The following ZNF638 variants were observed in gnomAD, a reference collection of about 807,000 sequenced individuals.
ZNF638 encodes the protein zinc finger protein 638, also known as CTCL tumor antigen se33-1.
In ZNF638, 46 loss-of-function variants were observed where a neutral mutation model predicts 195.6. The observed-to-expected ratio is 0.24, with a 90% CI of 0.19 to 0.30. The LOEUF is 0.30. ZNF638 is among the 10% of genes least tolerant of loss of function. The pLI, the probability that ZNF638 is intolerant of heterozygous loss-of-function variation, is 1.00. For synonymous variants in ZNF638, 845 were observed against 772.0 expected (o/e 1.09, Z -1.57); for missense variants, 2,440 against 2,325.3 (o/e 1.05, Z -1.01).
intron 9 of ZNF638, 100 bp downstream of exon 9, chr2:71,380,380 A>C: frequency 1.8e-6 from 2 of 1,118,544 alleles, no homozygotes; most frequent in Non-Finnish European, 2.5e-6. Context: ...TTATCACTAT[A>C]ACTATAGTTT....
intron 5 of ZNF638, among the ~76,000 whole-genome samples, chr2:71,364,544 A>G (rs973757486): frequency 1.3e-5 from 2 of 151,954 alleles, no homozygotes; most frequent in African/African-American, 4.8e-5. Flanking sequence ...TTTTGAGATT[A>G]TTTTTTTTAA....
intron 7 of ZNF638, among the ~76,000 whole-genome samples, chr2:71,369,513 A>G (rs1573062519): frequency 6.6e-6 from 1 of 152,160 alleles, no homozygotes. Flanking sequence ...CAGGGAACAT[A>G]GTGATAGTGT....
At chr2:71,345,838 A>G (rs1285870999) in intron 1 of ZNF638, among the ~76,000 whole-genome samples, 1 of 152,162 alleles carries the variant, frequency 6.6e-6, no homozygotes, top group Non-Finnish European at 1.5e-5. Context: ...GCTAATAGAC[A>G]TTGTTCCCCT....
intron 26 of ZNF638, among the ~76,000 whole-genome samples, chr2:71,432,656 G>A (rs191645313): frequency 2.6e-5 from 4 of 152,304 alleles, no homozygotes; most frequent in Admixed American, 6.5e-5. Context: ...TAGAGGTTCT[G>A]GAATAGTATA....
At chr2:71,352,434 C>T (rs572368774) in intron 2 of ZNF638, among the ~76,000 whole-genome samples, 10 of 150,290 alleles carry the variant, frequency 6.7e-5, no homozygotes, top group African/African-American at 9.8e-5. Flanking sequence ...GCCGAGATCG[C>T]GCCGCTGCAC....
chr2:71,393,716 A>G (rs927979865), intron 10 of ZNF638: 31 of 673,790 alleles, frequency 4.6e-5, no homozygotes, highest in South Asian at 1.3e-4. Context: ...GCTACACTCT[A>G]TTGGGCTCAT....
chr2:71,417,354 A>C (rs879269781), intron 20 of ZNF638, among the ~76,000 whole-genome samples: 1,002 of 148,502 alleles, frequency 6.7e-3, no homozygotes, highest in Non-Finnish European at 0.011. Context: ...GTGCGCGCAC[A>C]CACTGACCTG....
chr2:71,388,476 A>G (rs760544464), intron 10 of ZNF638: 38 of 693,846 alleles, frequency 5.5e-5, no homozygotes, highest in Non-Finnish European at 9.0e-5. Context: ...GGCCTTTGTC[A>G]TTAAATCTGT....
At chr2:71,383,896 C>T (rs1478098372) in intron 10 of ZNF638, among the ~76,000 whole-genome samples, 2 of 151,158 alleles carry the variant, frequency 1.3e-5, no homozygotes, top group African/African-American at 4.9e-5. Flanking sequence ...GCCACCATGC[C>T]TGGCCCTCTT....
At chr2:71,405,986 C>T in intron 18 of ZNF638, 142 bp from the exon 19 acceptor site, 1 of 903,874 alleles carries the variant, frequency 1.1e-6, no homozygotes, top group South Asian at 1.8e-5. Context: ...TAAGACCTCA[C>T]TGTCTTCCCC....
chr2:71,400,516 A>G lies in ZNF638; in HGVS notation c.2695A>G (p.Lys899Glu). 1.9e-6 allele frequency: 3 copies of G among 1,602,428 alleles called. No individual in the cohort carries two copies. The East Asian group carries it at 6.7e-5, about 36-fold the overall frequency. ...GGCCACAGAGAATGAACCACTTAAC[A>G]AGGTCAGTTTTCATGTTTTATTTAT... Reference protein sequence around the residue: ...LEATENEPLNKETEEMCVMLV... With the variant: ...LEATENEPLNEETEEMCVMLV... The change falls in exon 15 of 28, where the codon AAG (lysine) becomes GAG (glutamate). Residue 899 changes from lysine to glutamate, a missense_variant and splice_region_variant. Physicochemically the swap from Lys to Glu is moderately conservative, Grantham distance 56 (BLOSUM62 1). Transcript: ENST00000264447.
chr2:71,393,912 A>G (rs907458153), intron 10 of ZNF638, among the ~76,000 whole-genome samples: 1 of 152,188 alleles, frequency 6.6e-6, no homozygotes, highest in African/African-American at 2.4e-5. Context: ...CACTGTGTGT[A>G]AGGTTACTAT....
intron 26 of ZNF638, among the ~76,000 whole-genome samples, chr2:71,432,956 G>T (rs1187864925): frequency 6.6e-6 from 1 of 152,112 alleles, no homozygotes; most frequent in East Asian, 1.9e-4. Flanking sequence ...GCGCGGTGGC[G>T]CACACCTGTA....
chr2:71,375,558 T>G (rs1392987753), intron 8 of ZNF638: 1 of 152,172 alleles, frequency 6.6e-6, no homozygotes, highest in Non-Finnish European at 1.5e-5. Flanking sequence ...GCATTTGATT[T>G]ACCAGAACTA....
At chr2:71,408,340 T>C in intron 20 of ZNF638, 93 bp downstream of exon 20, 3 of 1,390,598 alleles carry the variant, frequency 2.2e-6, no homozygotes, top group Non-Finnish European at 2.9e-6. Flanking sequence ...TTTCTGTGTT[T>C]AGAGATGATT....
chr2:71,336,769 C>T (rs899910409), intron 1 of ZNF638, among the ~76,000 whole-genome samples: 3 of 152,128 alleles, frequency 2.0e-5, no homozygotes, highest in African/African-American at 7.2e-5. Flanking sequence ...AACCAGCTTG[C>T]TCAGGGTAAC....
chr2:71,359,416 G>C (rs1191487247), intron 3 of ZNF638, among the ~76,000 whole-genome samples: 1 of 152,198 alleles, frequency 6.6e-6, no homozygotes, highest in Non-Finnish European at 1.5e-5. Flanking sequence ...GGAAGGAGGG[G>C]TGGAGAGAGG....
Position 71,349,747 on chromosome 2 carries a change from G to T in ZNF638, c.793G>T (p.Val265Phe). Reference sequence around the variant, plus strand: ...TGTGATATGTAATTCTATGTTTCCTGTTGAAGACGTATTTCGCCAAATGGA... The same window carrying T: ...TGTGATATGTAATTCTATGTTTCCTTTTGAAGACGTATTTCGCCAAATGGA... ...PNVICNSMFP[V>F]EDVFRQMDFP... Residue 265 changes from valine to phenylalanine, a missense_variant, in exon 2 of 28, where the codon GTT becomes TTT. This residue lies in a region of ZNF638 where 305 missense variants were observed against 283.6 expected (regional missense o/e 1.08). Coordinates refer to ENST00000264447, the MANE Select transcript of ZNF638 (RefSeq NM_014497.5). 6.2e-7 allele frequency: 1 copy of T among 1,614,176 alleles called. No homozygotes were observed. Among genetic ancestry groups the T allele is most frequent in the Non-Finnish European group, 8.5e-7 (1 of 1,180,032 alleles).
Position 71,424,693 on chromosome 2 carries a change from G to T in ZNF638, c.4568G>T (p.Gly1523Val), listed in dbSNP as rs753855788. 15 of 1,613,286 alleles carry T rather than the reference G, an allele frequency of 9.3e-6. No individual in the cohort carries two copies. The highest frequency in any genetic ancestry group is 1.3e-5 in the Non-Finnish European group (15 of 1,179,646). Residue 1523 changes from glycine to valine, a missense_variant, in exon 23 of 28, where the codon GGT (glycine) becomes GTT (valine). Gly to Val is a moderately radical substitution (Grantham distance 109). Coordinates refer to ENST00000264447, the MANE Select transcript of ZNF638 (RefSeq NM_014497.5). ...ACTAAGAATCCTAAAAGCACTACTG[G>T]TAGAAGTTCCAAATCTAAAGAGGTA... The part of the protein sequence containing the change: ...QNTKNPKSTT[G>V]RSSKSKEEPL...
Sources: gnomAD v4.1 joint callset for allele counts (sites outside exome capture counted in the v4.1 genomes callset) on GRCh38, gnomAD v4.1.1 for gene constraint, gnomAD v4.1.1 regional missense constraint, MANE v1.5 for transcripts, NCBI Gene and HGNC (gene_info 2026-07-23, HGNC 2026-07-21) for gene names.